The following BNC2 variants were observed in gnomAD, a reference collection of about 807,000 sequenced individuals.
The protein encoded by BNC2 is zinc finger protein basonuclin-2.
Under a neutral mutation model 76.3 loss-of-function variants are expected in BNC2, and 20 were observed. The observed-to-expected ratio is 0.26, with a 90% CI of 0.18 to 0.38. BNC2 has a LOEUF of 0.38. Among genes scored for constraint, BNC2 ranks in the 10% least tolerant of loss-of-function variants. BNC2 has a pLI of 1.00. For synonymous variants in BNC2, 582 were observed against 514.8 expected (o/e 1.13, Z -1.77); for missense variants, 1,382 against 1,399.8 (o/e 0.99, Z 0.20).
chr9:16,483,978 A>G (rs559038830), intron 5 of BNC2, among the ~76,000 whole-genome samples: 5 of 152,214 alleles, frequency 3.3e-5, no homozygotes, highest in Non-Finnish European at 7.3e-5. Flanking sequence ...AGGTAATGGC[A>G]AAAGAAAAAT....
chr9:16,499,751 G>C (rs950795747), intron 5 of BNC2, among the ~76,000 whole-genome samples: 3 of 151,678 alleles, frequency 2.0e-5, no homozygotes, highest in African/African-American at 7.3e-5. Flanking sequence ...GGAGGGTCTT[G>C]AACTCCTGAC....
intron 5 of BNC2, among the ~76,000 whole-genome samples, chr9:16,550,065 C>T (rs923192159): frequency 2.6e-5 from 4 of 152,004 alleles, no homozygotes; most frequent in African/African-American, 9.7e-5. Context: ...CAGTATTTCA[C>T]CCTAAAATAA....
chr9:16,569,583 A>T (rs1007716740), intron 4 of BNC2, among the ~76,000 whole-genome samples: 3 of 152,160 alleles, frequency 2.0e-5, no homozygotes, highest in Non-Finnish European at 4.4e-5. Flanking sequence ...CACACATAAA[A>T]GTATTTCACC....
Position 16,437,216 on chromosome 9 carries a change from C to T in BNC2, c.978G>A (p.Gln326=). Reference sequence around the variant, plus strand: ...GTGGTGCTGAGACAGGGTTTATGTACTGGAATGGAAGCAGAAATGCAAGGC... The same window carrying T: ...GTGGTGCTGAGACAGGGTTTATGTATTGGAATGGAAGCAGAAATGCAAGGC... ...PNSLAFLLPF[Q]YINPVSAPLL... Residue 326 remains glutamine, a synonymous_variant, in exon 6 of 7, where the codon CAG becomes CAA. Coordinates refer to ENST00000380672, the MANE Select transcript of BNC2 (RefSeq NM_017637.6). 6.2e-7 allele frequency: 1 copy of T among 1,614,084 alleles called. No individual in the cohort carries two copies. Among genetic ancestry groups the T allele is most frequent in the South Asian group, 1.1e-5 (1 of 91,080 alleles).
intron 3 of BNC2, among the ~76,000 whole-genome samples, chr9:16,669,213 C>T (rs1390555308): frequency 6.6e-6 from 1 of 152,038 alleles, no homozygotes; most frequent in East Asian, 1.9e-4. Context: ...AAAGCAACTG[C>T]CATATATTGA....
intron 3 of BNC2, chr9:16,685,520 C>T (rs76324446): frequency 7.8e-7 from 1 of 1,284,908 alleles, no homozygotes; most frequent in Non-Finnish European, 1.0e-6. Flanking sequence ...CCACCCCTAG[C>T]TGAGAAAACA....
intron 5 of BNC2, among the ~76,000 whole-genome samples, chr9:16,524,137 C>T (rs1177459409): frequency 3.9e-5 from 6 of 152,056 alleles, no homozygotes; most frequent in South Asian, 2.1e-4. Context: ...GTAAAAGAAG[C>T]GAATTATAAT....
At chr9:16,800,653 TAAGTAA>T (rs1042056690) in intron 1 of BNC2, among the ~76,000 whole-genome samples, 2 of 152,144 alleles carry the variant, frequency 1.3e-5, no homozygotes, top group African/African-American at 4.8e-5. Flanking sequence ...TACTTATCGC[TAAGTAA>T]AGATAATTTT....
intron 3 of BNC2, among the ~76,000 whole-genome samples, chr9:16,674,092 T>C (rs2134210481): frequency 6.6e-6 from 1 of 152,348 alleles, no homozygotes; most frequent in African/African-American, 2.4e-5. Flanking sequence ...GCCTTTTAGA[T>C]ATATAAGTTC....
In BNC2 at chr9:16,577,108, T is replaced by C. The variant is rs146397704; in HGVS notation, c.433+5875A>G. On this transcript the variant is annotated intron_variant, in intron 4 of 6. Coordinates refer to ENST00000380672, the MANE Select transcript of BNC2 (RefSeq NM_017637.6). ...AGGATTTATGCAAATTGAGTCTGAA[T>C]AGGATTTTCTTTTAGGTATGGGCTT... is the stretch of plus-strand genomic sequence containing the variant. Among the ~76,000 whole-genome samples the C allele has an allele frequency of 2.3e-3, 345 of 152,352 alleles. 1 individual carries two copies. The highest frequency in any genetic ancestry group is 4.0e-3 in the Non-Finnish European group (273 of 68,034).
chr9:16,623,989 T>C (rs956870366), intron 3 of BNC2, among the ~76,000 whole-genome samples: 1 of 152,226 alleles, frequency 6.6e-6, no homozygotes, highest in African/African-American at 2.4e-5. Flanking sequence ...CTTCGTTCAA[T>C]ATTAAGTTTT....
intron 3 of BNC2, among the ~76,000 whole-genome samples, chr9:16,617,310 G>C (rs954110727): frequency 1.3e-5 from 2 of 151,960 alleles, no homozygotes; most frequent in African/African-American, 4.8e-5. Flanking sequence ...TAATCACTTT[G>C]GTTACGAAAA....
chr9:16,473,747 C>T (rs1201192764), intron 5 of BNC2, among the ~76,000 whole-genome samples: 1 of 152,054 alleles, frequency 6.6e-6, no homozygotes, highest in African/African-American at 2.4e-5. Context: ...GTGGTGTACT[C>T]CTGTAGTCCC....
At chr9:16,806,387 A>G (rs944248540) in intron 1 of BNC2, among the ~76,000 whole-genome samples, 4 of 152,134 alleles carry the variant, frequency 2.6e-5, no homozygotes, top group African/African-American at 9.7e-5. Flanking sequence ...AGAAAAAAGA[A>G]AAGAAAAGAA....
intron 5 of BNC2, among the ~76,000 whole-genome samples, chr9:16,509,458 T>C (rs1822704236): frequency 6.6e-6 from 1 of 152,204 alleles, no homozygotes; most frequent in South Asian, 2.1e-4. Flanking sequence ...ATTTCACTAG[T>C]AACATTGGTA....
At chr9:16,553,569 CAACATTTGAGA>C (rs1818730315) in intron 4 of BNC2, among the ~76,000 whole-genome samples, 1 of 152,066 alleles carries the variant, frequency 6.6e-6, no homozygotes, top group Admixed American at 6.5e-5. Context: ...AATGACAAAC[CAACATTTGAGA>C]ATTTCTGGTG....
chr9:16,523,778 TA>T (rs1404028028), intron 5 of BNC2, among the ~76,000 whole-genome samples: 1 of 151,710 alleles, frequency 6.6e-6, no homozygotes, highest in Non-Finnish European at 1.5e-5. Flanking sequence ...TACAAAAAAT[TA>T]GCCAGGCATG....
chr9:16,626,207 A>C (rs921996232), intron 3 of BNC2: 2 of 152,214 alleles, frequency 1.3e-5, no homozygotes, highest in Non-Finnish European at 2.9e-5. Context: ...CACAAAAGTG[A>C]GGAACAATTC....
intron 5 of BNC2, among the ~76,000 whole-genome samples, chr9:16,459,339 G>A (rs1220098635): frequency 3.3e-5 from 5 of 152,134 alleles, no homozygotes; most frequent in African/African-American, 1.2e-4. Context: ...CAGCATTCAG[G>A]GAGTTTCCAG....
Sources: gnomAD v4.1 joint callset for allele counts (sites outside exome capture counted in the v4.1 genomes callset) on GRCh38, gnomAD v4.1.1 for gene constraint, MANE v1.5 for transcripts, NCBI Gene and HGNC (gene_info 2026-07-23, HGNC 2026-07-21) for gene names.